Variants in SGTB observed in about 807,000 individuals in gnomAD.
The protein encoded by SGTB is small glutamine rich tetratricopeptide repeat co-chaperone beta, also known as small glutamine-rich tetratricopeptide repeat-containing protein beta.
SGTB carries 19 observed loss-of-function variants against 43.9 expected under a neutral mutation model. The ratio of observed to expected loss-of-function variants is 0.43; its 90% CI spans 0.30 to 0.63. The LOEUF (loss-of-function observed/expected upper bound fraction) is 0.63, where lower values mean the gene tolerates loss of function less well. Ranked by LOEUF, SGTB falls within the 30% of genes least tolerant of loss-of-function variation. SGTB has a pLI of 0.12. For missense variants in SGTB, 304 were observed against 358.9 expected (o/e 0.85, Z 1.24); for synonymous variants, 116 against 117.3 (o/e 0.99, Z 0.07).
intron 3 of SGTB, among the ~76,000 whole-genome samples, chr5:65,711,296 G>T (rs1758041749): frequency 1.3e-5 from 2 of 151,756 alleles, no homozygotes; most frequent in South Asian, 4.2e-4. Flanking sequence ...GGGAGATACA[G>T]CAAAAGAAAG....
intron 8 of SGTB, among the ~76,000 whole-genome samples, chr5:65,676,151 A>T (rs1391454454): frequency 6.6e-6 from 1 of 152,180 alleles, no homozygotes; most frequent in Non-Finnish European, 1.5e-5. Flanking sequence ...AAAATTTACC[A>T]AGCAAATGGA....
intron 5 of SGTB, among the ~76,000 whole-genome samples, chr5:65,687,038 C>G (rs1392060087): frequency 1.3e-5 from 2 of 152,056 alleles, no homozygotes; most frequent in Non-Finnish European, 2.9e-5. Flanking sequence ...AAAACCAATC[C>G]TGGATAGAAG....
chr5:65,692,246 T>C (rs1467286211), intron 5 of SGTB, among the ~76,000 whole-genome samples: 2 of 152,156 alleles, frequency 1.3e-5, no homozygotes, highest in Non-Finnish European at 2.9e-5. Flanking sequence ...ACTATCAACG[T>C]ATGTGATAAG....
intron 8 of SGTB, among the ~76,000 whole-genome samples, chr5:65,675,797 GA>G (rs1351050246): frequency 6.6e-6 from 1 of 152,160 alleles, no homozygotes; most frequent in East Asian, 1.9e-4. Flanking sequence ...AATGCCGAGG[GA>G]ATTCATTACT....
At chr5:65,707,443 T>A (rs1249933423) in intron 4 of SGTB, among the ~76,000 whole-genome samples, 24 of 149,236 alleles carry the variant, frequency 1.6e-4, no homozygotes, top group African/African-American at 6.0e-4. Flanking sequence ...CACATATATT[T>A]TTTTTTTTTT....
At chr5:65,698,827 T>C (rs1757758867) in intron 5 of SGTB, among the ~76,000 whole-genome samples, 1 of 152,040 alleles carries the variant, frequency 6.6e-6, no homozygotes, top group African/African-American at 2.4e-5. Context: ...GAAACCACAA[T>C]GAGATACCAC....
chr5:65,671,616 C>CA (rs34671513), intron 10 of SGTB, among the ~76,000 whole-genome samples: 1 of 111,394 alleles, frequency 9.0e-6, no homozygotes, highest in Admixed American at 1.2e-4. Flanking sequence ...TTGAAAGTCC[C>CA]AAAAAATAAA....
intron 5 of SGTB, among the ~76,000 whole-genome samples, chr5:65,687,718 T>C (rs1561156141): frequency 6.6e-6 from 1 of 152,200 alleles, no homozygotes; most frequent in Non-Finnish European, 1.5e-5. Context: ...TGCAAGGAAT[T>C]AACTGAATGA....
At chr5:65,688,002 C>G (rs907044879) in intron 5 of SGTB, among the ~76,000 whole-genome samples, 1 of 152,096 alleles carries the variant, frequency 6.6e-6, no homozygotes, top group African/African-American at 2.4e-5. Flanking sequence ...CTCCTGACCT[C>G]AAGTGATCCG....
intron 6 of SGTB, 24 bp from the exon 7 acceptor site, chr5:65,680,818 T>C (rs746944541): frequency 1.2e-6 from 2 of 1,602,610 alleles, no homozygotes; most frequent in South Asian, 1.1e-5. Flanking sequence ...AATATAAGAA[T>C]ATCAGATATA....
rs1452976443 is a variant in SGTB at position 65,685,408 on chromosome 5, C to T, written c.439G>A (p.Ala147Thr). The T allele has an allele frequency of 6.2e-7, 1 of 1,614,164 alleles. No individual in the cohort carries two copies. Residue 147 changes from alanine (A) to threonine (T), a missense_variant, in exon 6 of 11, where the codon GCA (alanine) becomes ACA (threonine). Transcript: ENST00000381007. ...DAIKDCEKAI[A>T]IDSKYSKAYG... ...GCCTTGCTGTACTTTGAATCAATTGCTATTGCTTTTTCACAATCCTTTATC... is the reference window on the plus strand; with the variant it reads ...GCCTTGCTGTACTTTGAATCAATTGTTATTGCTTTTTCACAATCCTTTATC...
At chr5:65,722,490 C>A, upstream of SGTB, 1 of 1,316,440 alleles carries the variant, frequency 7.6e-7, no homozygotes, top group Non-Finnish European at 1.1e-6. Flanking sequence ...GGAGCCCGGA[C>A]CCACCCCTTC....
chr5:65,705,179 A>C (rs1318914622), intron 4 of SGTB, among the ~76,000 whole-genome samples: 1 of 152,214 alleles, frequency 6.6e-6, no homozygotes, highest in Non-Finnish European at 1.5e-5. Flanking sequence ...GTGGTGGCTT[A>C]TGCCTGTAAT....
intron 10 of SGTB, among the ~76,000 whole-genome samples, 179 bp from the exon 11 acceptor site, chr5:65,670,536 A>G (rs1035174239): frequency 1.3e-5 from 2 of 152,234 alleles, no homozygotes; most frequent in East Asian, 3.8e-4. Flanking sequence ...GCATTATTAC[A>G]ATGCAGTGTT....
intron 5 of SGTB, among the ~76,000 whole-genome samples, chr5:65,691,678 C>G (rs992331852): frequency 1.3e-5 from 2 of 150,630 alleles, no homozygotes; most frequent in African/African-American, 4.9e-5. Context: ...CAGTGCCTCA[C>G]GCCTGTAATC....
At position 65,667,441 on chromosome 5, in the gene SGTB, A is replaced by G. The variant is rs1757060687; in HGVS notation, c.*2805T>C. On this transcript the variant is annotated 3_prime_UTR_variant, in exon 11 of 11. Coordinates refer to ENST00000381007, the MANE Select transcript of SGTB (RefSeq NM_019072.3). Reference sequence around the variant, plus strand: ...AAGGATCTATTTTGCTTTTTATATCACAGTAATGACTTCTATGTGTTAGTA... The same window carrying G: ...AAGGATCTATTTTGCTTTTTATATCGCAGTAATGACTTCTATGTGTTAGTA... The G allele has an allele frequency of 6.6e-6, 1 of 152,162 alleles. No individual in the cohort carries two copies. The highest frequency in any genetic ancestry group is 2.1e-4 in the South Asian group (1 of 4,830). The allele number at this position is 152,162 out of a possible 1,614,324, so 9.4% of individuals were successfully genotyped here.
chr5:65,680,465 A>ATAGTCTATG, intron 8 of SGTB, 29 bp downstream of exon 8: 2 of 1,611,764 alleles, frequency 1.2e-6, no homozygotes, highest in African/African-American at 2.7e-5. Context: ...AAACATAGCC[A>ATAGTCTATG]GTAGAGGCAG....
intron 6 of SGTB, among the ~76,000 whole-genome samples, chr5:65,684,448 C>A (rs374168614): frequency 1.8e-4 from 27 of 152,124 alleles, no homozygotes; most frequent in African/African-American, 6.0e-4. Context: ...GATGGAAGAT[C>A]TAATGTTGTA....
intron 6 of SGTB, among the ~76,000 whole-genome samples, chr5:65,684,014 A>T (rs1258023280): frequency 6.6e-6 from 1 of 152,016 alleles, no homozygotes; most frequent in African/African-American, 2.4e-5. Flanking sequence ...TCAGGGGCAG[A>T]GAACGAGGAA....
Sources: allele counts gnomAD v4.1 joint callset (sites outside exome capture counted in the v4.1 genomes callset), GRCh38; gene constraint gnomAD v4.1.1; transcripts MANE v1.5; gene names NCBI Gene and HGNC (gene_info 2026-07-23, HGNC 2026-07-21).